Variants in PDGFRA observed in about 807,000 individuals in gnomAD.
PDGFRA encodes platelet-derived growth factor receptor alpha.
In PDGFRA, 25 loss-of-function variants were observed where a neutral mutation model predicts 121.5. The observed-to-expected ratio is 0.21, with a 90% confidence interval of 0.15 to 0.29. The LOEUF (loss-of-function observed/expected upper bound fraction) is 0.29. Ranked by LOEUF, PDGFRA falls within the 10% of genes least tolerant of loss-of-function variation. The pLI is 1.00. For synonymous variants in PDGFRA, 463 were observed against 494.8 expected, an observed-to-expected ratio of 0.94 and a Z score of 0.85; for missense variants, 1,008 against 1,345.1, an observed-to-expected ratio of 0.75 and a Z score of 3.92.
intron 1 of PDGFRA, among the ~76,000 whole-genome samples, chr4:54,233,258 G>A (rs1171863761): frequency 6.6e-6 from 1 of 152,184 alleles, no homozygotes; most frequent in Non-Finnish European, 1.5e-5. Flanking sequence ...CCGAGGACTT[G>A]GTGGAGGTGG....
At chr4:54,244,846 G>A (rs1253791666) in intron 1 of PDGFRA, among the ~76,000 whole-genome samples, 1 of 152,170 alleles carries the variant, frequency 6.6e-6, no homozygotes, top group East Asian at 1.9e-4. Context: ...TCTATAACTA[G>A]AATAACCAAT....
In PDGFRA at chr4:54,263,701, G is replaced by A. The variant is rs763793552; in HGVS notation, c.402G>A (p.Thr134=). The A allele has an allele frequency of 2.2e-5, 35 of 1,613,612 alleles. No individual in the cohort carries two copies. Among genetic ancestry groups the A allele is most frequent in the South Asian group, 3.3e-5 (3 of 91,072 alleles). Reference sequence around the variant, plus strand: ...TAGCCTTTGTACCTCTAGGAATGACGGATTATTTAGTCATCGTGGAGGATG... The same window carrying A: ...TAGCCTTTGTACCTCTAGGAATGACAGATTATTTAGTCATCGTGGAGGATG... ...PDVAFVPLGM[T]DYLVIVEDDD... Residue 134 remains threonine, a synonymous_variant, in exon 4 of 23, where the codon ACG becomes ACA. Coordinates refer to ENST00000257290, the MANE Select transcript of PDGFRA (RefSeq NM_006206.6).
At chr4:54,260,009 C>T (rs952956819) in intron 2 of PDGFRA, among the ~76,000 whole-genome samples, 6 of 152,148 alleles carry the variant, frequency 3.9e-5, no homozygotes, top group African/African-American at 1.4e-4. Context: ...TGACCACAAA[C>T]CTTCAGTTCC....
chr4:54,269,006 A>G (rs1182691887), intron 7 of PDGFRA, among the ~76,000 whole-genome samples: 1 of 152,206 alleles, frequency 6.6e-6, no homozygotes, highest in Non-Finnish European at 1.5e-5. Context: ...AAAGATGAAC[A>G]TGGTAGATGG....
At chr4:54,236,756 T>C (rs1298699999) in intron 1 of PDGFRA, among the ~76,000 whole-genome samples, 1 of 151,374 alleles carries the variant, frequency 6.6e-6, no homozygotes, top group Non-Finnish European at 1.5e-5. Context: ...TGAGCTGAGA[T>C]CATGCCACTG....
Position 54,290,462 on chromosome 4 carries a change from G to C in PDGFRA, c.3030G>C (p.Gln1010His). The C allele has an allele frequency of 6.2e-7, 1 of 1,614,048 alleles. No individual in the cohort carries two copies. ...LKDWEGGLDE[Q>H]RLSADSGYII... The stretch of plus-strand genomic sequence containing the variant: ...ACTGGGAGGGTGGTCTGGATGAGCA[G>C]AGACTGAGCGCTGACAGTGGCTACA... Residue 1010 changes from glutamine to histidine, a missense_variant, in exon 22 of 23, where the codon CAG becomes CAC. Around this residue, in one of 5 missense-constraint regions of PDGFRA, gnomAD observed 204 missense variants for 243.0 expected, o/e 0.84. Transcript: ENST00000257290.
chr4:54,283,403 C>T (rs1423518988), intron 16 of PDGFRA, among the ~76,000 whole-genome samples: 1 of 152,242 alleles, frequency 6.6e-6, no homozygotes, highest in African/African-American at 2.4e-5. Context: ...GCTGAAGCAG[C>T]AGCCCAAGCT....
intron 22 of PDGFRA, 36 bp downstream of exon 22, chr4:54,290,590 C>T (rs1724581815): frequency 1.9e-6 from 3 of 1,612,892 alleles, no homozygotes; most frequent in Non-Finnish European, 2.5e-6. Flanking sequence ...CTCACCTTTC[C>T]CCTCCCCTAT....
At position 54,277,878 on chromosome 4, in the gene PDGFRA, G is replaced by A. The variant is rs1235061496; in HGVS notation, c.1892-18G>A. On this transcript the variant is annotated intron_variant, in intron 13 of 22. Transcript: ENST00000257290. ...TGGTAGCTCAGCTGGACTGATATGT[G>A]ATTTATTCTTTCAACAGCCACGGCC... is the stretch of plus-strand genomic sequence containing the variant. 6.4e-7 allele frequency: 1 copy of A among 1,551,086 alleles called. No homozygotes were observed. The highest frequency in any genetic ancestry group is 1.4e-5 in the African/African-American group (1 of 73,648).
chr4:54,277,377 C>G lies in PDGFRA; in HGVS notation c.1787-11C>G, dbSNP rs371760882. The G allele has an allele frequency of 6.2e-7, 1 of 1,603,046 alleles. No individual in the cohort carries two copies. Among genetic ancestry groups the G allele is most frequent in the Non-Finnish European group, 8.5e-7 (1 of 1,170,332 alleles). On this transcript the variant is annotated splice_polypyrimidine_tract_variant and intron_variant, in intron 12 of 22. Coordinates refer to ENST00000257290, the MANE Select transcript of PDGFRA (RefSeq NM_006206.6). ...GAGTTTTTGGGTGTTAATGATTCTG[C>G]CTGCCCACAGGTCGGGTCTTGGGGT...
At chr4:54,267,268 T>C (rs1723076792) in intron 5 of PDGFRA, 21 bp from the exon 6 acceptor site, 1 of 1,613,740 alleles carries the variant, frequency 6.2e-7, no homozygotes, top group Non-Finnish European at 8.5e-7. Context: ...AAAAGTCGGT[T>C]TTCTTCCCCT....
rs932791766 is a variant in PDGFRA at position 54,296,353 on chromosome 4, C to T, written c.*1081C>T. ...GAAAATATAATGATCAGCAAAAAGA[C>T]TGGATTTGCAGAAGTTTTTTTTTTT... On this transcript the variant is annotated 3_prime_UTR_variant, in exon 23 of 23. Coordinates refer to ENST00000257290, the MANE Select transcript of PDGFRA (RefSeq NM_006206.6). 1.9e-5 allele frequency: 4 copies of T among 212,718 alleles called. No individual in the cohort carries two copies. The highest frequency in any genetic ancestry group is 3.5e-5 in the Non-Finnish European group (4 of 113,206). 13.2% of individuals were successfully genotyped at this position (212,718 alleles called of 1,614,324 possible).
chr4:54,261,613 G>A (rs1722720355), intron 3 of PDGFRA, among the ~76,000 whole-genome samples: 1 of 151,866 alleles, frequency 6.6e-6, no homozygotes. Flanking sequence ...ATTAAGTTTG[G>A]AAAGTCATCT....
intron 2 of PDGFRA, among the ~76,000 whole-genome samples, chr4:54,259,044 A>AACATTATATTTAG (rs1476732217): frequency 6.6e-6 from 1 of 152,234 alleles, no homozygotes; most frequent in East Asian, 1.9e-4. Flanking sequence ...GTTTTAGTAC[A>AACATTATATTTAG]TATATAATGT....
In PDGFRA at chr4:54,237,135, ATTTTTTGTAT is replaced by A. The variant is rs552945685; in HGVS notation, c.-13+7725_-13+7734del. On this transcript the variant is annotated intron_variant, in intron 1 of 22. Coordinates refer to ENST00000257290, the MANE Select transcript of PDGFRA (RefSeq NM_006206.6). ...AGGTACCTGCCGCCATGCCTGGCTA[ATTTTTTGTAT>A]TTTTAGTAGAGATGGGGTTTCATCA... Among the ~76,000 whole-genome samples the A allele has an allele frequency of 1.2e-4, 18 of 152,066 alleles. No homozygotes were observed. In the South Asian group the frequency reaches 3.7e-3, roughly 32 times the overall value.
intron 3 of PDGFRA, among the ~76,000 whole-genome samples, chr4:54,262,859 G>C (rs539867777): frequency 6.6e-6 from 1 of 152,134 alleles, no homozygotes. Context: ...GTTTTAATCC[G>C]TGTAAGATTG....
chr4:54,274,819 T>C (rs760023365), intron 11 of PDGFRA, 22 bp from the exon 12 acceptor site: 5 of 1,613,558 alleles, frequency 3.1e-6, no homozygotes, highest in Non-Finnish European at 2.5e-6. Flanking sequence ...ATTCACCAGT[T>C]ACCTGTCCTG....
At chr4:54,284,202 T>C (rs1452575659) in intron 16 of PDGFRA, among the ~76,000 whole-genome samples, 2 of 152,200 alleles carry the variant, frequency 1.3e-5, no homozygotes, top group African/African-American at 2.4e-5. Context: ...TCCATATCAT[T>C]ATCAGCATTT....
In PDGFRA at chr4:54,261,078, C is replaced by T. The variant is rs543962000; in HGVS notation, c.50-17C>T. 23 of 1,610,818 alleles carry T rather than the reference C, an allele frequency of 1.4e-5. No homozygotes were observed. The highest frequency in any genetic ancestry group is 6.7e-5 in the Admixed American group (4 of 60,008). On this transcript the variant is annotated splice_polypyrimidine_tract_variant and intron_variant, in intron 2 of 22. Coordinates refer to ENST00000257290, the MANE Select transcript of PDGFRA (RefSeq NM_006206.6). ...CTTTCTGACTGCATCCTATTCAGAG[C>T]GTGCTTCCTTTTGCAGGGCTGAGCC...
Sources: gnomAD v4.1 joint callset for allele counts (sites outside exome capture counted in the v4.1 genomes callset) on GRCh38, gnomAD v4.1.1 for gene constraint, gnomAD v4.1.1 regional missense constraint, MANE v1.5 for transcripts, NCBI Gene and HGNC (gene_info 2026-07-23, HGNC 2026-07-21) for gene names.